The following THRB variants were observed in gnomAD, a reference collection of about 807,000 sequenced individuals.
THRB encodes the protein thyroid hormone receptor beta.
THRB carries 12 observed loss-of-function variants against 47.8 expected under a neutral mutation model. The ratio of observed to expected loss-of-function variants is 0.25; its 90% CI spans 0.16 to 0.41. THRB has a LOEUF of 0.41. THRB is among the 10% of genes least tolerant of loss of function. The pLI is 1.00. For missense variants in THRB, 348 were observed against 589.2 expected, an observed-to-expected ratio of 0.59 and a Z score of 4.24; for synonymous variants, 218 against 212.2, an observed-to-expected ratio of 1.03 and a Z score of -0.24.
At chr3:24,215,663 G>T (rs984337399) in intron 4 of THRB, among the ~76,000 whole-genome samples, 1 of 152,170 alleles carries the variant, frequency 6.6e-6, no homozygotes, top group African/African-American at 2.4e-5. Context: ...ATCAAAATCT[G>T]CATACTCCTA....
Position 24,128,442 on chromosome 3 carries a change from C to T in THRB, c.886-685G>A, listed in dbSNP as rs76631168. ...ACACTGGGTCTTTCTGCCAGTGTTGCAATCTCCTTTTAAGCTCATTTGGTT... is the reference window on the plus strand; with the variant it reads ...ACACTGGGTCTTTCTGCCAGTGTTGTAATCTCCTTTTAAGCTCATTTGGTT... On this transcript the variant is annotated intron_variant, in intron 9 of 10. Coordinates refer to ENST00000646209, the MANE Select transcript of THRB (RefSeq NM_001354712.2). Among the ~76,000 whole-genome samples the T allele has an allele frequency of 8.4e-3, 1,283 of 152,260 alleles. 17 individuals carry two copies. The highest frequency in any genetic ancestry group is 0.029 in the African/African-American group (1,206 of 41,544).
chr3:24,262,229 A>G (rs2052134155), intron 3 of THRB, among the ~76,000 whole-genome samples: 1 of 152,218 alleles, frequency 6.6e-6, no homozygotes, highest in South Asian at 2.1e-4. Flanking sequence ...TCAGAATCAA[A>G]ACATTCTTTC....
At chr3:24,329,958 A>C (rs1164670355) in intron 2 of THRB, among the ~76,000 whole-genome samples, 1 of 152,226 alleles carries the variant, frequency 6.6e-6, no homozygotes, top group African/African-American at 2.4e-5. Flanking sequence ...GATGATTCTA[A>C]TGCATGCTTT....
chr3:24,233,160 T>C (rs2048421261), intron 3 of THRB, among the ~76,000 whole-genome samples: 1 of 152,076 alleles, frequency 6.6e-6, no homozygotes, highest in Non-Finnish European at 1.5e-5. Context: ...AAAATCCAAA[T>C]GATGGTAAAG....
At chr3:24,197,431 T>C (rs1314970654) in intron 4 of THRB, among the ~76,000 whole-genome samples, 1 of 152,230 alleles carries the variant, frequency 6.6e-6, no homozygotes, top group Non-Finnish European at 1.5e-5. Flanking sequence ...TGAATCTCTC[T>C]CCTGAATTAT....
chr3:24,177,110 G>A (rs1321389021), intron 5 of THRB, among the ~76,000 whole-genome samples: 1 of 152,070 alleles, frequency 6.6e-6, no homozygotes, highest in African/African-American at 2.4e-5. Flanking sequence ...AGGAAGACCT[G>A]GCCCTGACTC....
intron 1 of THRB, among the ~76,000 whole-genome samples, chr3:24,410,035 A>G (rs1451804866): frequency 6.6e-6 from 1 of 151,914 alleles, no homozygotes; most frequent in Non-Finnish European, 1.5e-5. Context: ...ATTTTGATGA[A>G]TACATTTTGA....
chr3:24,319,783 C>T (rs1478407600), intron 2 of THRB, among the ~76,000 whole-genome samples: 1 of 152,212 alleles, frequency 6.6e-6, no homozygotes, highest in Admixed American at 6.5e-5. Context: ...AACACCCCAT[C>T]ACTCATATAA....
At chr3:24,423,421 AT>A (rs914931891) in intron 1 of THRB, among the ~76,000 whole-genome samples, 78 of 147,282 alleles carry the variant, frequency 5.3e-4, no homozygotes, top group East Asian at 1.0e-3. Context: ...CAGCACTGAG[AT>A]TTTTTTTTTT....
In THRB at chr3:24,156,409, A is replaced by G. The variant is rs573830036; in HGVS notation, c.284-3919T>C. ...ATGGCCCTTAGGGAATAGAATATAA[A>G]GCAGATTAATCTTGAAAGTAGATCT... is the stretch of plus-strand genomic sequence containing the variant. On this transcript the variant is annotated intron_variant, in intron 5 of 10. Transcript: ENST00000646209. Among the ~76,000 whole-genome samples, 93 of 152,362 alleles carry G rather than the reference A, an allele frequency of 6.1e-4. 1 individual carries two copies. Among genetic ancestry groups the G allele is most frequent in the African/African-American group, 2.0e-3 (85 of 41,586 alleles).
Position 24,190,310 on chromosome 3 carries a change from T to G in THRB, c.47A>C (p.Lys16Thr). Reference protein sequence around the residue: ...MTENGLTAWDKPKHCPDREHD... With the variant: ...MTENGLTAWDTPKHCPDREHD... ...TTCTCGGTCTGGACAGTGCTTCGGTTTGTCCCAGGCTGTAAGGCCATTTTC... is the reference window on the plus strand; with the variant it reads ...TTCTCGGTCTGGACAGTGCTTCGGTGTGTCCCAGGCTGTAAGGCCATTTTC... Residue 16 changes from lysine (K) to threonine (T), a missense_variant, in exon 5 of 11, where the codon AAA (lysine) becomes ACA (threonine). Physicochemically the swap from Lys to Thr is moderately conservative, Grantham distance 78. Transcript: ENST00000646209. 1 of 1,614,118 alleles carries G rather than the reference T, an allele frequency of 6.2e-7. No individual in the cohort carries two copies. The highest frequency in any genetic ancestry group is 1.3e-5 in the African/African-American group (1 of 75,060).
chr3:24,391,450 C>G (rs2066562317), intron 1 of THRB, among the ~76,000 whole-genome samples: 1 of 152,088 alleles, frequency 6.6e-6, no homozygotes, highest in African/African-American at 2.4e-5. Flanking sequence ...AATCTGGAGA[C>G]AGTTATTCCT....
chr3:24,346,788 C>CTT (rs2063045485), intron 1 of THRB, among the ~76,000 whole-genome samples: 1 of 151,870 alleles, frequency 6.6e-6, no homozygotes, highest in Non-Finnish European at 1.5e-5. Context: ...GCCAACATTG[C>CTT]TAGAACTAGA....
intron 5 of THRB, among the ~76,000 whole-genome samples, chr3:24,161,654 A>ACG (rs1553624014): frequency 0.026 from 3,999 of 151,470 alleles, 101 homozygotes; most frequent in African/African-American, 0.045. Context: ...ACACACACAC[A>ACG]GACAGAATTC....
intron 1 of THRB, among the ~76,000 whole-genome samples, chr3:24,362,106 C>T (rs1290507405): frequency 6.6e-6 from 1 of 152,106 alleles, no homozygotes; most frequent in Admixed American, 6.6e-5. Flanking sequence ...CATTTATTCT[C>T]AAAACAATAG....
intron 5 of THRB, among the ~76,000 whole-genome samples, chr3:24,168,240 T>C (rs936088181): frequency 6.6e-6 from 1 of 152,096 alleles, no homozygotes; most frequent in Non-Finnish European, 1.5e-5. Flanking sequence ...CACATCCTGA[T>C]AGAAGCAATC....
intron 1 of THRB, among the ~76,000 whole-genome samples, chr3:24,485,953 G>A (rs1348000187): frequency 6.6e-6 from 1 of 152,132 alleles, no homozygotes; most frequent in Non-Finnish European, 1.5e-5. Flanking sequence ...TGATAGATGA[G>A]GAAACTGAAC....
At chr3:24,236,145 T>C (rs1257764075) in intron 3 of THRB, among the ~76,000 whole-genome samples, 1 of 152,106 alleles carries the variant, frequency 6.6e-6, no homozygotes, top group Non-Finnish European at 1.5e-5. Context: ...ATCCCCCTCA[T>C]AGGAGGAGAG....
At chr3:24,307,720 T>C (rs1169691654) in intron 2 of THRB, among the ~76,000 whole-genome samples, 2 of 152,212 alleles carry the variant, frequency 1.3e-5, no homozygotes, top group Non-Finnish European at 2.9e-5. Flanking sequence ...ATAGTTAGTA[T>C]ACTATTGATA....
Sources: allele counts gnomAD v4.1 joint callset (sites outside exome capture counted in the v4.1 genomes callset), GRCh38; gene constraint gnomAD v4.1.1; transcripts MANE v1.5; gene names NCBI Gene and HGNC (gene_info 2026-07-23, HGNC 2026-07-21).